Variants in FREM1 observed in about 807,000 individuals in gnomAD.
The protein encoded by FREM1 is FRAS1 related extracellular matrix 1.
FREM1 carries 220 observed loss-of-function variants against 210.1 expected under a neutral mutation model. The ratio of observed to expected loss-of-function variants is 1.05; its 90% CI spans 0.94 to 1.17. FREM1 has a LOEUF of 1.17. Ranked by LOEUF, FREM1 falls within the 50% of genes most tolerant of loss-of-function variation. FREM1 has a pLI of 0.00. For synonymous variants in FREM1, 1,189 were observed against 980.2 expected (o/e 1.21, Z -3.98); for missense variants, 3,454 against 2,675.5 (o/e 1.29, Z -6.42).
At chr9:14,802,360 T>A (rs967091231) in intron 19 of FREM1, among the ~76,000 whole-genome samples, 1 of 152,228 alleles carries the variant, frequency 6.6e-6, no homozygotes. Flanking sequence ...ATTTGGTGGT[T>A]TTTATTTTTG....
chr9:14,789,228 G>T, intron 22 of FREM1, 114 bp from the exon 23 acceptor site: 1 of 625,188 alleles, frequency 1.6e-6, no homozygotes, highest in Non-Finnish European at 2.5e-6. Context: ...ATATTTCAGG[G>T]AAATTCCAGA....
rs1407586235 is a variant in FREM1, at chr9:14,836,810, A to T, written c.1881+4637T>A. On this transcript the variant is annotated intron_variant, in intron 10 of 36. Transcript: ENST00000380880. The surrounding 1 kb of genome is among the most constrained non-coding windows in gnomAD (Gnocchi z 4.9). The stretch of plus-strand genomic sequence containing the variant: ...CCATTCAACGCCCCTTTTAAGTAGG[A>T]AGTAGCCAGAAAGAGTCTTCGCCCA... Among the ~76,000 whole-genome samples the T allele has an allele frequency of 6.6e-6, 1 of 152,208 alleles. No individual in the cohort carries two copies. Among genetic ancestry groups the T allele is most frequent in the Non-Finnish European group, 1.5e-5 (1 of 68,042 alleles).
intron 24 of FREM1, among the ~76,000 whole-genome samples, chr9:14,777,308 A>G (rs150177213): frequency 4.1e-4 from 63 of 152,328 alleles, no homozygotes; most frequent in African/African-American, 1.5e-3. Flanking sequence ...TAGCATTACA[A>G]TATGTAATTT....
In FREM1 at chr9:14,824,119, A is replaced by C. The variant is rs377078249; in HGVS notation, c.2079-4T>G. On this transcript the variant is annotated splice_polypyrimidine_tract_variant and splice_region_variant and intron_variant, in intron 11 of 36. Coordinates refer to ENST00000380880, the MANE Select transcript of FREM1 (RefSeq NM_001379081.2). Reference sequence around the variant, plus strand: ...TAATTTCCCAGCATCCAAGTGTCTAAAGAGAAATACAGAGGAGCACATCAG... The same window carrying C: ...TAATTTCCCAGCATCCAAGTGTCTACAGAGAAATACAGAGGAGCACATCAG... The C allele has an allele frequency of 2.4e-5, 38 of 1,555,518 alleles. No individual in the cohort carries two copies. The South Asian group carries it at 2.6e-4, about 11-fold the overall frequency.
At chr9:14,764,449 T>C (rs373709408) in intron 27 of FREM1, among the ~76,000 whole-genome samples, 79 of 152,350 alleles carry the variant, frequency 5.2e-4, no homozygotes, top group Non-Finnish European at 8.1e-4. Context: ...TATTCTGGAT[T>C]CTTTGACTAT....
rs776043430 is a variant in FREM1, at chr9:14,819,407, A to G, written c.2373T>C (p.Gly791=). The change falls in exon 14 of 37, where the codon GGT becomes GGC. Residue 791 remains glycine, a synonymous_variant. Transcript: ENST00000380880. ...TGTGCTCTGTGCTGATGATGCTTTGACCTCCCTCAGTCACTTTCAGAGGGT... is the reference window on the plus strand; with the variant it reads ...TGTGCTCTGTGCTGATGATGCTTTGGCCTCCCTCAGTCACTTTCAGAGGGT... The part of the protein sequence containing the change: ...FTNPLKVTEG[G]QSIISTEHIL... 2.5e-6 allele frequency: 4 copies of G among 1,613,054 alleles called. No individual in the cohort carries two copies. Among genetic ancestry groups the G allele is most frequent in the Non-Finnish European group, 3.4e-6 (4 of 1,179,460 alleles).
intron 15 of FREM1, among the ~76,000 whole-genome samples, chr9:14,815,866 T>G (rs1282814038): frequency 6.6e-6 from 1 of 152,186 alleles, no homozygotes; most frequent in Non-Finnish European, 1.5e-5. Context: ...CAGGGTGGTC[T>G]TGAAATCCTG....
chr9:14,795,654 A>T (rs918922735), intron 21 of FREM1, among the ~76,000 whole-genome samples: 24 of 152,324 alleles, frequency 1.6e-4, no homozygotes, highest in African/African-American at 5.8e-4. Context: ...TGAGTTTAGT[A>T]ACAAGAGCAT....
intron 1 of FREM1, among the ~76,000 whole-genome samples, chr9:14,894,575 C>T (rs1354014985): frequency 6.6e-6 from 1 of 152,190 alleles, no homozygotes; most frequent in Non-Finnish European, 1.5e-5. Flanking sequence ...GAGTTAACTG[C>T]ATGGACTGAA....
rs923335378 is a variant in FREM1, at chr9:14,851,272, T to C, written c.1152+12A>G. ...TTCTAACTAGGCTGGAAGCTTTGTC[T>C]CTCCTTCTTACCTCATCATGTCTCC... On this transcript the variant is annotated intron_variant, in intron 6 of 36. Transcript: ENST00000380880. 8 of 1,551,080 alleles carry C rather than the reference T, an allele frequency of 5.2e-6. No homozygotes were observed. The highest frequency in any genetic ancestry group is 1.7e-4 in the Middle Eastern group (1 of 5,722).
intron 19 of FREM1, among the ~76,000 whole-genome samples, chr9:14,804,500 G>A (rs1294803079): frequency 6.6e-6 from 1 of 152,168 alleles, no homozygotes; most frequent in Non-Finnish European, 1.5e-5. Flanking sequence ...CAGGAGAATG[G>A]CGTGAACCCG....
intron 35 of FREM1, among the ~76,000 whole-genome samples, chr9:14,745,293 T>C (rs1842214380): frequency 6.6e-6 from 1 of 152,168 alleles, no homozygotes; most frequent in South Asian, 2.1e-4. Flanking sequence ...AAAACAAATT[T>C]GGATTGTCAT....
At chr9:14,816,729 G>C (rs997082065) in intron 15 of FREM1, 49 bp downstream of exon 15, 1 of 945,406 alleles carries the variant, frequency 1.1e-6, no homozygotes, top group Non-Finnish European at 1.5e-6. Flanking sequence ...TGTTATGGCA[G>C]CACAAAACAG....
At chr9:14,870,414 T>C (rs748648040) in intron 1 of FREM1, among the ~76,000 whole-genome samples, 1 of 152,234 alleles carries the variant, frequency 6.6e-6, no homozygotes, top group African/African-American at 2.4e-5. Context: ...TTGTCCACAA[T>C]CAAGCTGACT....
chr9:14,868,808 G>A lies in FREM1; in HGVS notation c.170C>T (p.Ala57Val). Residue 57 changes from alanine to valine, a missense_variant, in exon 2 of 37, where the codon GCC (alanine) becomes GTC (valine). Transcript: ENST00000380880. ...LKFAIPKEKD[A>V]CKVEVVMNEP... ...ATTCATCACAACTTCCACTTTGCAG[G>A]CATCTTTCTCTTTAGGGATGGCAAA... The A allele has an allele frequency of 6.2e-7, 1 of 1,613,040 alleles. No homozygotes were observed. Among genetic ancestry groups the A allele is most frequent in the South Asian group, 1.1e-5 (1 of 90,788 alleles).
At chr9:14,856,244 G>T (rs1031709380) in intron 5 of FREM1, among the ~76,000 whole-genome samples, 5 of 152,154 alleles carry the variant, frequency 3.3e-5, no homozygotes, top group Non-Finnish European at 2.9e-5. Context: ...AAGTCACACA[G>T]TTAGTTAAGT....
At chr9:14,832,531 A>G (rs1201539755) in intron 10 of FREM1, among the ~76,000 whole-genome samples, 1 of 152,298 alleles carries the variant, frequency 6.6e-6, no homozygotes, top group East Asian at 1.9e-4. Flanking sequence ...CCTCTTAACA[A>G]CCCTAATTGA....
chr9:14,783,198 A>C (rs891239852), intron 24 of FREM1, among the ~76,000 whole-genome samples: 3 of 152,210 alleles, frequency 2.0e-5, no homozygotes, highest in Admixed American at 2.0e-4. Context: ...AAATCATTTT[A>C]ATGCTAAAAA....
intron 25 of FREM1, among the ~76,000 whole-genome samples, chr9:14,775,533 G>A (rs949659912): frequency 1.3e-5 from 2 of 151,744 alleles, no homozygotes; most frequent in African/African-American, 2.4e-5. Flanking sequence ...TGGTGAAACC[G>A]TGTCTCTACT....
Sources: allele counts gnomAD v4.1 joint callset (sites outside exome capture counted in the v4.1 genomes callset), GRCh38; gene constraint gnomAD v4.1.1; non-coding constraint Gnocchi (gnomAD v3.1); transcripts MANE v1.5; gene names NCBI Gene and HGNC (gene_info 2026-07-23, HGNC 2026-07-21).